ABCA13: variants seen among roughly 807,000 people sequenced by gnomAD.
The protein encoded by ABCA13 is ATP-binding cassette sub-family A member 13.
In ABCA13, 476 loss-of-function variants were observed where a neutral mutation model predicts 478.7. That is an observed-to-expected ratio of 0.99 (90% confidence interval 0.92 to 1.07). The LOEUF (loss-of-function observed/expected upper bound fraction) is 1.07. ABCA13 is among the 50% of genes least tolerant of loss of function. ABCA13 has a pLI of 0.00. For synonymous variants in ABCA13, 2,252 were observed against 2,158.9 expected, an observed-to-expected ratio of 1.04 and a Z score of -1.20; for missense variants, 6,060 against 5,910.6, an observed-to-expected ratio of 1.03 and a Z score of -0.83.
At chr7:48,484,247 C>T (rs990842226) in intron 47 of ABCA13, among the ~76,000 whole-genome samples, 2 of 152,116 alleles carry the variant, frequency 1.3e-5, no homozygotes, top group Admixed American at 6.6e-5. Context: ...TCATGTATTA[C>T]GATGTAATCT....
intron 42 of ABCA13, among the ~76,000 whole-genome samples, chr7:48,449,707 C>T (rs1030691976): frequency 2.6e-5 from 4 of 152,224 alleles, no homozygotes; most frequent in African/African-American, 9.6e-5. Flanking sequence ...ATTTCCCTGA[C>T]TTGGTGAGAC....
chr7:48,407,405 G>T (rs576126823), intron 39 of ABCA13, among the ~76,000 whole-genome samples: 4 of 151,424 alleles, frequency 2.6e-5, no homozygotes, highest in Non-Finnish European at 5.9e-5. Flanking sequence ...GAACCCAGGA[G>T]GTGGAGGTTG....
At chr7:48,356,872 TA>T (rs2128995301) in intron 31 of ABCA13, among the ~76,000 whole-genome samples, 1 of 152,140 alleles carries the variant, frequency 6.6e-6, no homozygotes, top group African/African-American at 2.4e-5. Flanking sequence ...CTTCAAAGAA[TA>T]AGCCAACTTA....
intron 34 of ABCA13, among the ~76,000 whole-genome samples, chr7:48,375,326 C>T (rs1201162520): frequency 6.6e-6 from 1 of 152,044 alleles, no homozygotes; most frequent in East Asian, 1.9e-4. Context: ...GATCCTCTAC[C>T]CATGTTTTCT....
intron 42 of ABCA13, among the ~76,000 whole-genome samples, chr7:48,453,699 C>T (rs192970947): frequency 3.9e-5 from 6 of 152,260 alleles, no homozygotes; most frequent in East Asian, 1.9e-4. Flanking sequence ...ACGTCCGGGC[C>T]GCTTGGCCTG....
rs570489688 is a variant in ABCA13 at position 48,522,848 on chromosome 7, C to G, written c.14052-1400C>G. Among the ~76,000 whole-genome samples, 12 of 152,306 alleles carry G rather than the reference C, an allele frequency of 7.9e-5. No homozygotes were observed. In the South Asian group the frequency reaches 2.5e-3, roughly 32 times the overall value. On this transcript the variant is annotated intron_variant, in intron 53 of 61. Transcript: ENST00000435803. ...TCCTCCTGAGGAGAGAATGAGCAAG[C>G]TGATGTGGGTTACTGTGAATACTAC...
At chr7:48,448,640 A>G (rs1470852178) in intron 42 of ABCA13, among the ~76,000 whole-genome samples, 5 of 152,174 alleles carry the variant, frequency 3.3e-5, no homozygotes, top group African/African-American at 9.7e-5. Context: ...TCTTTTACCT[A>G]TATTGTGTTT....
intron 29 of ABCA13, among the ~76,000 whole-genome samples, chr7:48,341,823 ATATCTTTC>A (rs1368386555): frequency 1.6e-4 from 15 of 92,984 alleles, no homozygotes; most frequent in African/African-American, 5.1e-4. Context: ...ATATATATAT[ATATCTTTC>A]TGATATATAT....
intron 35 of ABCA13, among the ~76,000 whole-genome samples, chr7:48,383,986 T>C (rs890132123): frequency 1.3e-5 from 2 of 152,270 alleles, no homozygotes; most frequent in African/African-American, 4.8e-5. Context: ...TTTTCCCCAC[T>C]ATAAGTAATG....
chr7:48,353,503 T>G (rs1476149851), intron 31 of ABCA13, among the ~76,000 whole-genome samples: 1 of 151,262 alleles, frequency 6.6e-6, no homozygotes, highest in African/African-American at 2.4e-5. Flanking sequence ...TACTCATCCT[T>G]CATCGAAACA....
At chr7:48,204,712 C>G (rs1208378686) in intron 3 of ABCA13, among the ~76,000 whole-genome samples, 1 of 152,200 alleles carries the variant, frequency 6.6e-6, no homozygotes, top group Non-Finnish European at 1.5e-5. Flanking sequence ...CTGTCCAGCC[C>G]TTACACAGCC....
rs770542627 is a variant in ABCA13, at chr7:48,520,253, C to A, written c.14010C>A (p.Leu4670=). ...CCTCGCAGGGCACAGTACTTCTCCT[C>A]TTGAGGGTTCTGCTACACTGGGACC... The part of the protein sequence containing the change: ...QLASQGTVLL[L]LRVLLHWDLL... Residue 4670 remains leucine (L), a synonymous_variant, in exon 53 of 62, where the codon CTC becomes CTA. Transcript: ENST00000435803. The A allele has an allele frequency of 1.2e-6, 2 of 1,613,352 alleles. No homozygotes were observed. The highest frequency in any genetic ancestry group is 2.2e-5 in the South Asian group (2 of 91,012).
intron 58 of ABCA13, among the ~76,000 whole-genome samples, chr7:48,604,500 T>C (rs925306782): frequency 6.6e-6 from 1 of 152,200 alleles, no homozygotes; most frequent in Non-Finnish European, 1.5e-5. Context: ...CCAGTAATCA[T>C]TCAGGAGCAG....
chr7:48,634,356 C>A (rs552167981), intron 59 of ABCA13, among the ~76,000 whole-genome samples: 79 of 152,248 alleles, frequency 5.2e-4, no homozygotes, highest in Admixed American at 2.4e-3. Flanking sequence ...ATTTTTTAAA[C>A]ACGTTTGTGA....
In ABCA13 at chr7:48,275,969, TG is replaced by T; in HGVS notation, c.6304del (p.Ala2102ProfsTer12). 1 of 1,613,688 alleles carries T rather than the reference TG, an allele frequency of 6.2e-7. No individual in the cohort carries two copies. The highest frequency in any genetic ancestry group is 2.2e-5 in the East Asian group (1 of 44,840). On this transcript the variant is annotated frameshift_variant, in exon 17 of 62. Transcript: ENST00000435803. LOFTEE classifies it high-confidence loss of function. ...MALQKITLQF[A>X]HFLEILDSPS... Reference sequence around the variant, plus strand: ...CTCTTCAAAAGATAACTTTGCAGTTTGCCCATTTCCTGGAAATCCTGGATTC... The same window carrying T: ...CTCTTCAAAAGATAACTTTGCAGTTTCCCATTTCCTGGAAATCCTGGATTC...
At chr7:48,335,833 G>T (rs754978101) in intron 28 of ABCA13, among the ~76,000 whole-genome samples, 1 of 152,168 alleles carries the variant, frequency 6.6e-6, no homozygotes, top group Non-Finnish European at 1.5e-5. Flanking sequence ...TGAATTGCAG[G>T]TCTATTCAAC....
At chr7:48,584,841 A>C (rs1464965605) in intron 56 of ABCA13, among the ~76,000 whole-genome samples, 2 of 152,192 alleles carry the variant, frequency 1.3e-5, no homozygotes, top group African/African-American at 4.8e-5. Context: ...GTTTCATTAA[A>C]TGTTGATTCG....
At chr7:48,346,268 A>G (rs1004525075) in intron 29 of ABCA13, among the ~76,000 whole-genome samples, 1 of 152,308 alleles carries the variant, frequency 6.6e-6, no homozygotes, top group Non-Finnish European at 1.5e-5. Flanking sequence ...AGCCTTCTCC[A>G]AAGCAGTTCC....
In ABCA13 at chr7:48,367,853, C is replaced by T. The variant is rs926120923; in HGVS notation, c.10748C>T (p.Ser3583Phe). ...PLIMMLTWMV[S>F]VASMVRKLVY... is the part of the protein sequence containing the mutation. ...ATAATGATGCTGACGTGGATGGTGT[C>T]TGTGGCCAGCATGGTCAGAAAGTTG... Residue 3583 changes from serine (S) to phenylalanine (F), a missense_variant, in exon 32 of 62, where the codon TCT (serine) becomes TTT (phenylalanine). Coordinates refer to ENST00000435803, the MANE Select transcript of ABCA13 (RefSeq NM_152701.5). The T allele has an allele frequency of 1.9e-5, 30 of 1,582,654 alleles. No individual in the cohort carries two copies. The highest frequency in any genetic ancestry group is 2.6e-5 in the Non-Finnish European group (30 of 1,163,450).
Sources: allele counts gnomAD v4.1 joint callset (sites outside exome capture counted in the v4.1 genomes callset), GRCh38; gene constraint gnomAD v4.1.1; transcripts MANE v1.5; gene names NCBI Gene and HGNC (gene_info 2026-07-23, HGNC 2026-07-21).